Variants in RBFOX1 observed in about 807,000 individuals in gnomAD.
RBFOX1 encodes the protein RNA binding protein fox-1 homolog 1.
Under a neutral mutation model 57.7 loss-of-function variants are expected in RBFOX1, and 8 were observed. The ratio of observed to expected loss-of-function variants is 0.14; its 90% CI spans 0.08 to 0.25. The LOEUF is 0.25. Ranked by LOEUF, RBFOX1 falls within the 10% of genes least tolerant of loss-of-function variation. The pLI, the probability that RBFOX1 is intolerant of heterozygous loss-of-function variation, is 1.00. For synonymous variants in RBFOX1, 326 were observed against 222.4 expected (o/e 1.47, Z -4.15); for missense variants, 611 against 548.5 (o/e 1.11, Z -1.14).
intron 2 of RBFOX1, among the ~76,000 whole-genome samples, chr16:5,558,950 G>A (rs2045783700): frequency 6.6e-6 from 1 of 152,144 alleles, no homozygotes; most frequent in African/African-American, 2.4e-5. Flanking sequence ...TGAGCTAGAT[G>A]TGTGAGGCAT....
chr16:5,749,574 C>A (rs944765485), intron 3 of RBFOX1, among the ~76,000 whole-genome samples: 7 of 152,192 alleles, frequency 4.6e-5, no homozygotes, highest in Non-Finnish European at 7.3e-5. Context: ...TCTTTTTACT[C>A]TTTTTTCTCT....
At chr16:7,369,820 A>G (rs921821410) in intron 4 of RBFOX1, among the ~76,000 whole-genome samples, 1 of 152,216 alleles carries the variant, frequency 6.6e-6, no homozygotes, top group Non-Finnish European at 1.5e-5. Flanking sequence ...GCTCCCATTA[A>G]TTCTGGGACA....
chr16:7,519,123 G>T (rs1424758207), intron 5 of RBFOX1, among the ~76,000 whole-genome samples: 1 of 152,174 alleles, frequency 6.6e-6, no homozygotes, highest in Non-Finnish European at 1.5e-5. Context: ...CATATTTACG[G>T]AGTTGTGCGA....
intron 3 of RBFOX1, among the ~76,000 whole-genome samples, chr16:6,685,361 C>T (rs1353606446): frequency 6.7e-6 from 1 of 149,754 alleles, no homozygotes; most frequent in East Asian, 2.0e-4. Flanking sequence ...CTGCAACCTC[C>T]GCCTCCCAGG....
intron 3 of RBFOX1, among the ~76,000 whole-genome samples, chr16:7,030,927 A>G (rs1465425102): frequency 6.6e-6 from 1 of 152,214 alleles, no homozygotes; most frequent in African/African-American, 2.4e-5. Flanking sequence ...GTGGAAGGGA[A>G]TGTGGGTATT....
At chr16:7,362,437 C>T (rs1001258058) in intron 4 of RBFOX1, among the ~76,000 whole-genome samples, 2 of 150,090 alleles carry the variant, frequency 1.3e-5, no homozygotes, top group Non-Finnish European at 3.0e-5. Context: ...AGTGTGTGTT[C>T]TGCGTGTACG....
chr16:7,490,462 C>T (rs566279583), intron 4 of RBFOX1, among the ~76,000 whole-genome samples: 7 of 152,146 alleles, frequency 4.6e-5, no homozygotes, highest in Non-Finnish European at 7.4e-5. Flanking sequence ...AATTTTCCAG[C>T]CAGCCAGGCT....
intron 2 of RBFOX1, among the ~76,000 whole-genome samples, chr16:5,589,872 G>A (rs570251828): frequency 6.6e-6 from 1 of 152,210 alleles, no homozygotes; most frequent in South Asian, 2.1e-4. Flanking sequence ...CCTGCAGAGG[G>A]TTGCTTTGCT....
At chr16:7,081,100 T>C (rs1371209500) in intron 4 of RBFOX1, among the ~76,000 whole-genome samples, 1 of 152,204 alleles carries the variant, frequency 6.6e-6, no homozygotes, top group Non-Finnish European at 1.5e-5. Context: ...AGTGGCACGA[T>C]GTTGGCTCAC....
intron 3 of RBFOX1, among the ~76,000 whole-genome samples, chr16:7,035,890 A>G (rs1285297401): frequency 2.0e-5 from 3 of 152,050 alleles, no homozygotes; most frequent in African/African-American, 7.2e-5. Context: ...ACAGACACAC[A>G]CACACACACA....
chr16:5,791,584 A>G lies in RBFOX1; in HGVS notation c.319-75719A>G, dbSNP rs572927161. Among the ~76,000 whole-genome samples, 23 of 152,234 alleles carry G rather than the reference A, an allele frequency of 1.5e-4. No homozygotes were observed. The East Asian group carries it at 3.9e-3, about 26-fold the overall frequency. ...TGTGTGGGTGAATGGGTGACTCTCC[A>G]GGTTCCAGGAACAAGGGGTCTTAAG... On this transcript the variant is annotated intron_variant, in intron 3 of 19. Coordinates refer to the RBFOX1 transcript ENST00000641259.
chr16:7,016,396 C>G (rs1414507480), intron 3 of RBFOX1, among the ~76,000 whole-genome samples: 2 of 152,134 alleles, frequency 1.3e-5, no homozygotes, highest in Admixed American at 6.5e-5. Context: ...ATACTGAAAA[C>G]AAGGCACTGA....
At chr16:6,643,902 G>A (rs900107191) in intron 2 of RBFOX1, among the ~76,000 whole-genome samples, 2 of 152,154 alleles carry the variant, frequency 1.3e-5, no homozygotes, top group African/African-American at 2.4e-5. Flanking sequence ...AAGGTAGGTG[G>A]ATCACCTGAG....
chr16:6,842,060 G>T (rs976584338), intron 3 of RBFOX1, among the ~76,000 whole-genome samples: 11 of 151,672 alleles, frequency 7.3e-5, no homozygotes, highest in Non-Finnish European at 4.4e-5. Flanking sequence ...GGAGAATGGC[G>T]TGAACCCGGG....
intron 3 of RBFOX1, among the ~76,000 whole-genome samples, chr16:6,804,189 T>C (rs979723229): frequency 1.3e-5 from 2 of 151,924 alleles, no homozygotes; most frequent in African/African-American, 4.8e-5. Flanking sequence ...TTTGTATTTT[T>C]AGTAGAGATG....
intron 2 of RBFOX1, among the ~76,000 whole-genome samples, chr16:6,579,972 T>G (rs772447642): frequency 5.9e-5 from 9 of 152,122 alleles, no homozygotes; most frequent in Non-Finnish European, 1.3e-4. Flanking sequence ...TCTTTTTTCT[T>G]TTCTGAGACA....
At chr16:5,610,760 C>G (rs2151244298) in intron 3 of RBFOX1, 2 of 152,170 alleles carry the variant, frequency 1.3e-5, no homozygotes, top group East Asian at 3.9e-4. Flanking sequence ...CCCAGCCACT[C>G]CAGAGGCTGA....
chr16:6,113,553 C>G (rs2096467320), intron 1 of RBFOX1, among the ~76,000 whole-genome samples: 1 of 152,148 alleles, frequency 6.6e-6, no homozygotes. Flanking sequence ...AGAGACACAG[C>G]TCTTGAAGCA....
intron 3 of RBFOX1, among the ~76,000 whole-genome samples, chr16:6,879,620 C>T (rs538580714): frequency 6.6e-6 from 1 of 152,190 alleles, no homozygotes; most frequent in Admixed American, 6.5e-5. Context: ...ATCAATATGT[C>T]ATGCGATGTT....
Sources: gnomAD v4.1 joint callset for allele counts (sites outside exome capture counted in the v4.1 genomes callset) on GRCh38, gnomAD v4.1.1 for gene constraint, MANE v1.5 for transcripts, NCBI Gene and HGNC (gene_info 2026-07-23, HGNC 2026-07-21) for gene names.